The following GALNT18 variants were observed in gnomAD, a reference collection of about 807,000 sequenced individuals.
GALNT18 encodes polypeptide N-acetylgalactosaminyltransferase 18, also known as GalNAc-transferase 18.
In GALNT18, 44 loss-of-function variants were observed where a neutral mutation model predicts 69.5. The ratio of observed to expected loss-of-function variants is 0.63; its 90% CI spans 0.50 to 0.81. The LOEUF is 0.81. Among genes scored for constraint, GALNT18 ranks in the 40% least tolerant of loss-of-function variants. GALNT18 has a pLI of 0.00. For missense variants in GALNT18, 715 were observed against 810.0 expected (o/e 0.88, Z 1.42); for synonymous variants, 364 against 318.2 (o/e 1.14, Z -1.53).
chr11:11,608,649 C>T (rs1859813169), intron 1 of GALNT18, among the ~76,000 whole-genome samples: 3 of 152,186 alleles, frequency 2.0e-5, no homozygotes, highest in African/African-American at 7.2e-5. Context: ...GCGTGAGCCA[C>T]AGCACCTGGC....
rs1402685815 is a variant in GALNT18, at chr11:11,389,323, C to T, written c.596-10059G>A. ...TCCCCTGGGACCATAACTCCGTGTC[C>T]TCTATTTGTCCACCTTGAGTAATTT... On this transcript the variant is annotated intron_variant, in intron 3 of 10. Transcript: ENST00000227756. This position sits in a 1 kb window ranked among gnomAD's most constrained non-coding sequence, Gnocchi z 4.3. 6.6e-6 allele frequency among the ~76,000 whole-genome samples: 1 copy of T among 152,192 alleles called. No individual in the cohort carries two copies. The highest frequency in any genetic ancestry group is 1.5e-5 in the Non-Finnish European group (1 of 68,044).
At position 11,448,886 on chromosome 11, in the gene GALNT18, A is replaced by G. The variant is rs1389749834; in HGVS notation, c.286T>C (p.Ser96Pro). 6.2e-7 allele frequency: 1 copy of G among 1,606,408 alleles called. No homozygotes were observed. The highest frequency in any genetic ancestry group is 1.7e-5 in the Admixed American group (1 of 58,876). ...EAEAEPFTDS[S>P]LFAHWGQELS... ...TCCTGGCCCCAGTGTGCAAACAGAG[A>G]GGAGTCTGTGAAGGGCTCGGCCTCT... Residue 96 changes from serine (S) to proline (P), a missense_variant, in exon 2 of 11, where the codon TCT (serine) becomes CCT (proline). Transcript: ENST00000227756.
chr11:11,288,321 T>G (rs1236915832), intron 10 of GALNT18, among the ~76,000 whole-genome samples: 3 of 152,216 alleles, frequency 2.0e-5, no homozygotes, highest in African/African-American at 7.2e-5. Flanking sequence ...AGCTATTTCA[T>G]GCCTTTGCCC....
chr11:11,554,176 C>T (rs1858272713), intron 1 of GALNT18, among the ~76,000 whole-genome samples: 1 of 152,208 alleles, frequency 6.6e-6, no homozygotes, highest in Non-Finnish European at 1.5e-5. Context: ...CACCCATGCA[C>T]CTGTGAGGAC....
chr11:11,420,208 C>T (rs1854970858), intron 3 of GALNT18, among the ~76,000 whole-genome samples: 1 of 152,118 alleles, frequency 6.6e-6, no homozygotes, highest in African/African-American at 2.4e-5. Flanking sequence ...ATTTCTGTTG[C>T]TATGCAGCAC....
At chr11:11,333,567 A>T (rs1481946492) in intron 7 of GALNT18, among the ~76,000 whole-genome samples, 1 of 152,094 alleles carries the variant, frequency 6.6e-6, no homozygotes, top group Non-Finnish European at 1.5e-5. Flanking sequence ...ACGTTACTCT[A>T]CGTGTTTGGA....
chr11:11,425,788 G>A (rs1855115744), intron 3 of GALNT18, among the ~76,000 whole-genome samples: 1 of 152,164 alleles, frequency 6.6e-6, no homozygotes, highest in South Asian at 2.1e-4. Context: ...GCTTAGCCAG[G>A]CACTCAGCAC....
intron 5 of GALNT18, among the ~76,000 whole-genome samples, chr11:11,373,792 A>G (rs994839345): frequency 6.6e-6 from 1 of 152,240 alleles, no homozygotes; most frequent in Non-Finnish European, 1.5e-5. Flanking sequence ...CTCTGCTGAG[A>G]GCCCTGCTTA....
rs530262095 is a variant in GALNT18 at position 11,454,895 on chromosome 11, C to A, written c.236-5959G>T. Among the ~76,000 whole-genome samples, 2 of 152,312 alleles carry A rather than the reference C, an allele frequency of 1.3e-5. No homozygotes were observed. Among genetic ancestry groups the A allele is most frequent in the East Asian group, 3.9e-4 (2 of 5,172 alleles). On this transcript the variant is annotated intron_variant, in intron 1 of 10. Coordinates refer to ENST00000227756, the MANE Select transcript of GALNT18 (RefSeq NM_198516.3). This position sits in a 1 kb window ranked among gnomAD's most constrained non-coding sequence, Gnocchi z 4.2. The stretch of plus-strand genomic sequence containing the variant: ...TCCAGAGGACACTAATCACTCCACC[C>A]TTGAAGAGAAAGGTACAGTTGATGG...
chr11:11,370,078 A>G (rs944047818), intron 6 of GALNT18, among the ~76,000 whole-genome samples: 1 of 73,612 alleles, frequency 1.4e-5, no homozygotes, highest in African/African-American at 8.5e-5. Flanking sequence ...ATCTTATGGA[A>G]AAAAAAAACC....
intron 10 of GALNT18, among the ~76,000 whole-genome samples, chr11:11,271,774 G>A (rs1042348387): frequency 6.6e-6 from 1 of 152,204 alleles, no homozygotes; most frequent in African/African-American, 2.4e-5. Context: ...CCTGGTTACT[G>A]TCTCTTAGGC....
chr11:11,499,305 C>T (rs1047721652), intron 1 of GALNT18, among the ~76,000 whole-genome samples: 1 of 152,204 alleles, frequency 6.6e-6, no homozygotes, highest in Non-Finnish European at 1.5e-5. Flanking sequence ...GAGCCATCAG[C>T]GCTGACCAAA....
At chr11:11,308,586 T>A (rs1342164503) in intron 9 of GALNT18, among the ~76,000 whole-genome samples, 1 of 152,182 alleles carries the variant, frequency 6.6e-6, no homozygotes, top group Non-Finnish European at 1.5e-5. Flanking sequence ...CCTATTCATG[T>A]GTTTTTGAAT....
At chr11:11,299,977 T>C (rs1015088756) in intron 9 of GALNT18, among the ~76,000 whole-genome samples, 3 of 152,160 alleles carry the variant, frequency 2.0e-5, no homozygotes, top group Non-Finnish European at 2.9e-5. Flanking sequence ...TCTGGAGCCC[T>C]CACCAAGCTA....
intron 1 of GALNT18, among the ~76,000 whole-genome samples, chr11:11,502,387 C>T (rs558940757): frequency 6.6e-6 from 1 of 152,300 alleles, no homozygotes; most frequent in Non-Finnish European, 1.5e-5. Context: ...CTTTGAGAGG[C>T]CCTGGTTCCC....
Position 11,271,026 on chromosome 11 carries a change from TC to T in GALNT18, c.*117del, listed in dbSNP as rs1848815130. 1.2e-6 allele frequency: 1 copy of T among 821,648 alleles called. No individual in the cohort carries two copies. Among genetic ancestry groups the T allele is most frequent in the Non-Finnish European group, 1.8e-6 (1 of 544,136 alleles). The allele number at this position is 821,648 out of a possible 1,614,324, so 50.9% of individuals were successfully genotyped here. A position where few individuals can be genotyped will look rare whatever the true frequency, so the allele number is the denominator to read the frequency against. On this transcript the variant is annotated 3_prime_UTR_variant, in exon 11 of 11. Coordinates refer to ENST00000227756, the MANE Select transcript of GALNT18 (RefSeq NM_198516.3). ...AATTGAATAGGAAATAAAAAGCTCT[TC>T]TTGGGGGCCCACTAACCTGGTTCCC...
At chr11:11,416,359 C>T (rs992223240) in intron 3 of GALNT18, among the ~76,000 whole-genome samples, 4 of 152,214 alleles carry the variant, frequency 2.6e-5, no homozygotes, top group African/African-American at 4.8e-5. Flanking sequence ...ATCTCATCAG[C>T]AGGATCCTTC....
Position 11,432,473 on chromosome 11 carries a change from G to A in GALNT18, c.595+148C>T, listed in dbSNP as rs1289849781. 6 of 789,472 alleles carry A rather than the reference G, an allele frequency of 7.6e-6. No individual in the cohort carries two copies. The highest frequency in any genetic ancestry group is 5.4e-5 in the Admixed American group (2 of 36,970). The allele number at this position is 789,472 out of a possible 1,614,324, so 48.9% of individuals were successfully genotyped here. A position where few individuals can be genotyped will look rare whatever the true frequency, so the allele number is the denominator to read the frequency against. On this transcript the variant is annotated intron_variant, in intron 3 of 10. Coordinates refer to ENST00000227756, the MANE Select transcript of GALNT18 (RefSeq NM_198516.3). This position sits in a 1 kb window ranked among gnomAD's most constrained non-coding sequence, Gnocchi z 5.8. ...GCTCAGACGGAGTGAACCTTCTGAAGCAGTGGCCACCATGAATTTCTCATC... is the reference window on the plus strand; with the variant it reads ...GCTCAGACGGAGTGAACCTTCTGAAACAGTGGCCACCATGAATTTCTCATC...
chr11:11,288,458 C>G lies in GALNT18; in HGVS notation c.1677+4571G>C, dbSNP rs1295883639. On this transcript the variant is annotated intron_variant, in intron 10 of 10. Coordinates refer to ENST00000227756, the MANE Select transcript of GALNT18 (RefSeq NM_198516.3). ...TGCAGACCAAGTCGGTCATCCCAGG[C>G]TCTCAGAACACAGCACACCCCTCGG... Among the ~76,000 whole-genome samples the G allele has an allele frequency of 2.0e-5, 3 of 152,302 alleles. No homozygotes were observed. The East Asian group carries it at 5.8e-4, about 29-fold the overall frequency.
Sources: allele counts gnomAD v4.1 joint callset (sites outside exome capture counted in the v4.1 genomes callset), GRCh38; gene constraint gnomAD v4.1.1; non-coding constraint Gnocchi (gnomAD v3.1); transcripts MANE v1.5; gene names NCBI Gene and HGNC (gene_info 2026-07-23, HGNC 2026-07-21).